The following CRISPLD2 variants were observed in gnomAD, a reference collection of about 807,000 sequenced individuals.
The protein encoded by CRISPLD2 is cysteine-rich secretory protein LCCL domain-containing 2.
CRISPLD2 carries 47 observed loss-of-function variants against 71.1 expected under a neutral mutation model. The ratio of observed to expected loss-of-function variants is 0.66; its 90% confidence interval spans 0.52 to 0.84. The LOEUF is 0.84. Ranked by LOEUF, CRISPLD2 falls within the 40% of genes least tolerant of loss-of-function variation. CRISPLD2 has a pLI of 0.00. For missense variants in CRISPLD2, 830 were observed against 651.1 expected, an observed-to-expected ratio of 1.27 and a Z score of -2.99; for synonymous variants, 317 against 250.1, an observed-to-expected ratio of 1.27 and a Z score of -2.52.
chr16:84,903,383 C>T (rs1255849026), intron 14 of CRISPLD2, among the ~76,000 whole-genome samples: 4 of 152,004 alleles, frequency 2.6e-5, no homozygotes, highest in South Asian at 4.1e-4. Context: ...GAGACCAGCC[C>T]GGCCAAGAGA....
chr16:84,848,985 C>CAAAAA lies in CRISPLD2; in HGVS notation c.360-386_360-382dup, dbSNP rs11389223. Among the ~76,000 whole-genome samples, 73 of 106,700 alleles carry CAAAAA rather than the reference C, an allele frequency of 6.8e-4. 1 individual carries two copies. Among genetic ancestry groups the CAAAAA allele is most frequent in the Middle Eastern group, 5.0e-3 (1 of 202 alleles). The allele number at this position is 106,700 out of a possible 152,430, so 70.0% of individuals were successfully genotyped here. The stretch of plus-strand genomic sequence containing the variant: ...TGGGCGACAGAGCGAGACTCCGTCT[C>CAAAAA]AAAAAAAAAAAAAAAAAAGAAAGGA... On this transcript the variant is annotated intron_variant, in intron 3 of 14. Transcript: ENST00000262424.
chr16:84,865,968 A>G (rs998420073), intron 6 of CRISPLD2, among the ~76,000 whole-genome samples: 13 of 152,224 alleles, frequency 8.5e-5, no homozygotes, highest in East Asian at 3.9e-4. Context: ...ATAGTTCTAC[A>G]TGTTGAGTCT....
intron 6 of CRISPLD2, among the ~76,000 whole-genome samples, chr16:84,862,097 T>G (rs1917399715): frequency 6.6e-6 from 1 of 152,164 alleles, no homozygotes; most frequent in Non-Finnish European, 1.5e-5. Flanking sequence ...TGGCCTCCCC[T>G]TTATGCATGT....
At chr16:84,902,306 CAG>C (rs2071762202) in intron 14 of CRISPLD2, among the ~76,000 whole-genome samples, 3 of 151,912 alleles carry the variant, frequency 2.0e-5, no homozygotes, top group Admixed American at 2.0e-4. Context: ...AGGCTGCATG[CAG>C]AGAGTACAAA....
intron 12 of CRISPLD2, among the ~76,000 whole-genome samples, chr16:84,877,890 T>G (rs1237838275): frequency 8.0e-5 from 12 of 150,140 alleles, no homozygotes; most frequent in African/African-American, 3.0e-4. Flanking sequence ...TTTATTGAGG[T>G]AAATGATACG....
At chr16:84,822,239 G>T (rs1916246527) in intron 1 of CRISPLD2, among the ~76,000 whole-genome samples, 1 of 152,254 alleles carries the variant, frequency 6.6e-6, no homozygotes, top group African/African-American at 2.4e-5. Context: ...CTCTGTCCTG[G>T]AGAGGAGAGT....
At chr16:84,866,172 G>A (rs1031505300) in intron 6 of CRISPLD2, among the ~76,000 whole-genome samples, 7 of 152,146 alleles carry the variant, frequency 4.6e-5, no homozygotes, top group African/African-American at 1.7e-4. Context: ...TGAAAACCCA[G>A]GGACAGGGGA....
In CRISPLD2 at chr16:84,868,835, C is replaced by G; in HGVS notation, c.854-16C>G. 1.2e-6 allele frequency: 2 copies of G among 1,610,508 alleles called. No homozygotes were observed. The highest frequency in any genetic ancestry group is 1.7e-6 in the Non-Finnish European group (2 of 1,177,674). On this transcript the variant is annotated splice_polypyrimidine_tract_variant and intron_variant, in intron 7 of 14. Transcript: ENST00000262424. ...GGTTTCGTGCCGTGACATGTATTCC[C>G]GCATTTCTCTCCTAGCCCAAGTCGT... is the stretch of plus-strand genomic sequence containing the variant.
intron 2 of CRISPLD2, 167 bp downstream of exon 2, chr16:84,838,902 GT>G: frequency 2.1e-6 from 2 of 939,780 alleles, no homozygotes; most frequent in Non-Finnish European, 3.3e-6. Flanking sequence ...TTGTTTGTTT[GT>G]TTTGAGACAG....
At chr16:84,830,848 G>A (rs921988689) in intron 1 of CRISPLD2, among the ~76,000 whole-genome samples, 1 of 152,220 alleles carries the variant, frequency 6.6e-6, no homozygotes, top group African/African-American at 2.4e-5. Flanking sequence ...TGGAAAGGCT[G>A]CGTGACCGTG....
rs564245729 is a variant in CRISPLD2 at position 84,877,145 on chromosome 16, C to T, written c.1157-293C>T. Among the ~76,000 whole-genome samples, 3 of 152,322 alleles carry T rather than the reference C, an allele frequency of 2.0e-5. 1 individual carries two copies. Among genetic ancestry groups the T allele is most frequent in the African/African-American group, 7.2e-5 (3 of 41,574 alleles). ...GCAAAGGTGATCAAGTCAGGAAAAG[C>T]TTCCAAATAAGAAAGTCACCATTCA... is the stretch of plus-strand genomic sequence containing the variant. On this transcript the variant is annotated intron_variant, in intron 11 of 14. Transcript: ENST00000262424.
Position 84,872,151 on chromosome 16 carries a change from A to T in CRISPLD2, c.915-291A>T, listed in dbSNP as rs188183543. 6.6e-3 allele frequency among the ~76,000 whole-genome samples: 1,001 copies of T among 152,314 alleles called. 18 individuals are homozygous for T. The highest frequency in any genetic ancestry group is 4.2e-3 in the Non-Finnish European group (289 of 68,030). ...ATATGGGAAAAGATGCAAAGGTTATACGCAAATACTAGGACACTTTACATA... is the reference window on the plus strand; with the variant it reads ...ATATGGGAAAAGATGCAAAGGTTATTCGCAAATACTAGGACACTTTACATA... On this transcript the variant is annotated intron_variant, in intron 8 of 14. Transcript: ENST00000262424.
chr16:84,889,585 G>GAAA (rs59814018), intron 14 of CRISPLD2, among the ~76,000 whole-genome samples: 328 of 149,332 alleles, frequency 2.2e-3, no homozygotes, highest in African/African-American at 7.2e-3. Flanking sequence ...TTGGGATTAA[G>GAAA]AAAAAAAAAA....
chr16:84,850,119 C>G (rs1281360510), intron 4 of CRISPLD2, among the ~76,000 whole-genome samples: 1 of 147,522 alleles, frequency 6.8e-6, no homozygotes, highest in Non-Finnish European at 1.5e-5. Flanking sequence ...GAAACGGAGT[C>G]TCCCTCTGTC....
chr16:84,844,984 G>A (rs918096175), intron 2 of CRISPLD2, among the ~76,000 whole-genome samples: 1 of 152,176 alleles, frequency 6.6e-6, no homozygotes, highest in Non-Finnish European at 1.5e-5. Context: ...TGCCATTCCA[G>A]GACCAGCATT....
intron 2 of CRISPLD2, among the ~76,000 whole-genome samples, chr16:84,844,522 C>T (rs1451642607): frequency 6.6e-6 from 1 of 151,596 alleles, no homozygotes; most frequent in Non-Finnish European, 1.5e-5. Context: ...TTGTCCAGGC[C>T]CGGCTAATTT....
At chr16:84,850,060 C>T (rs1917040987) in intron 4 of CRISPLD2, among the ~76,000 whole-genome samples, 2 of 150,662 alleles carry the variant, frequency 1.3e-5, no homozygotes, top group African/African-American at 4.9e-5. Context: ...CATTGTGGGG[C>T]ATTTTCATTG....
chr16:84,873,180 T>C, intron 10 of CRISPLD2, 58 bp downstream of exon 10: 1 of 1,565,214 alleles, frequency 6.4e-7, no homozygotes, highest in Non-Finnish European at 8.7e-7. Context: ...GACGGTGTTG[T>C]TGAAATTTTG....
intron 7 of CRISPLD2, among the ~76,000 whole-genome samples, chr16:84,867,697 G>C (rs1315115340): frequency 6.6e-6 from 1 of 152,204 alleles, no homozygotes; most frequent in Admixed American, 6.5e-5. Flanking sequence ...CCCCTGAGTA[G>C]CTGGGACTAC....
Sources: allele counts gnomAD v4.1 joint callset (sites outside exome capture counted in the v4.1 genomes callset), GRCh38; gene constraint gnomAD v4.1.1; transcripts MANE v1.5; gene names NCBI Gene and HGNC (gene_info 2026-07-23, HGNC 2026-07-21).